The following SELENOT variants were observed in gnomAD, a reference collection of about 807,000 sequenced individuals.
SELENOT encodes thioredoxin reductase-like selenoprotein T.
Under a neutral mutation model 24.3 loss-of-function variants are expected in SELENOT, and 9 were observed. The observed-to-expected ratio is 0.37, with a 90% CI of 0.22 to 0.65. The LOEUF is 0.65. Ranked by LOEUF, SELENOT falls within the 30% of genes least tolerant of loss-of-function variation. SELENOT has a pLI of 0.60. For synonymous variants in SELENOT, 81 were observed against 86.0 expected, an observed-to-expected ratio of 0.94 and a Z score of 0.32; for missense variants, 166 against 247.6, an observed-to-expected ratio of 0.67 and a Z score of 2.21.
Position 150,622,417 on chromosome 3 carries a change from A to G in SELENOT, c.170A>G (p.Glu57Gly). The change falls in exon 2 of 6, where the codon GAG (glutamate) becomes GGG (glycine). Residue 57 changes from glutamate (E) to glycine (G), a missense_variant. By Grantham distance (98) the Glu-to-Gly change is moderately conservative (BLOSUM62 -2). Around this residue, in one of 5 missense-constraint regions of SELENOT, gnomAD observed 71 missense variants for 89.2 expected, o/e 0.80. Coordinates refer to ENST00000471696, the MANE Select transcript of SELENOT (RefSeq NM_016275.5). ...VSUGYRRVFE[E>G]YMRVISQRYP... is the part of the protein sequence containing the mutation. Reference sequence around the variant, plus strand: ...TGAGGTTATAGGCGGGTGTTTGAGGAGTACATGCGGGTTATTAGCCAGCGG... The same window carrying G: ...TGAGGTTATAGGCGGGTGTTTGAGGGGTACATGCGGGTTATTAGCCAGCGG... 6.7e-7 allele frequency: 1 copy of G among 1,482,590 alleles called. No homozygotes were observed. The allele number at this position is 1,482,590 out of a possible 1,614,324, so 91.8% of individuals were successfully genotyped here.
Position 150,629,894 on chromosome 3 carries a change from G to A in SELENOT, c.*2265G>A, listed in dbSNP as rs920399150. ...TTATTAGTTACTTGTAAATTACTGT[G>A]GCTGTGTAGTTTATAAATGTCTGTG... On this transcript the variant is annotated 3_prime_UTR_variant, in exon 6 of 6. Coordinates refer to ENST00000471696, the MANE Select transcript of SELENOT (RefSeq NM_016275.5). 1 of 152,550 alleles carries A rather than the reference G, an allele frequency of 6.6e-6. No homozygotes were observed. Among genetic ancestry groups the A allele is most frequent in the African/African-American group, 2.4e-5 (1 of 41,416 alleles). 9.4% of individuals were successfully genotyped at this position (152,550 alleles called of 1,614,324 possible).
intron 1 of SELENOT, among the ~76,000 whole-genome samples, chr3:150,614,916 C>G: frequency 6.7e-6 from 1 of 149,962 alleles, no homozygotes; most frequent in Non-Finnish European, 1.5e-5. Context: ...GCACATTGTG[C>G]AGGTTAGTTA....
At chr3:150,611,950 C>T (rs538100231) in intron 1 of SELENOT, 3 of 728,782 alleles carry the variant, frequency 4.1e-6, no homozygotes, top group Non-Finnish European at 6.6e-6. Context: ...CGGCAGTTCA[C>T]TCTGCACACC....
intron 1 of SELENOT, among the ~76,000 whole-genome samples, chr3:150,610,140 TCTCTATTGTC>T (rs2108006134): frequency 6.6e-6 from 1 of 152,328 alleles, no homozygotes; most frequent in African/African-American, 2.4e-5. Context: ...TTATGATTGG[TCTCTATTGTC>T]ACATTACAGT....
chr3:150,622,476 C>T lies in SELENOT; in HGVS notation c.229C>T (p.Leu77Phe). ...PDIRIEGENY[L>F]PQPIYRHIAS... ...CATCCGCATTGAAGGAGAGAATTAC[C>T]TCCCTCAACCAATATATAGGTAAGA... The change falls in exon 2 of 6, where the codon CTC (leucine) becomes TTC (phenylalanine). Residue 77 changes from leucine (L) to phenylalanine (F), a missense_variant. Physicochemically the swap from Leu to Phe is conservative, Grantham distance 22. Around this residue, in one of 5 missense-constraint regions of SELENOT, gnomAD observed 71 missense variants for 89.2 expected, o/e 0.80. Transcript: ENST00000471696. 1.3e-6 allele frequency: 2 copies of T among 1,483,902 alleles called. No individual in the cohort carries two copies. The highest frequency in any genetic ancestry group is 9.1e-7 in the Non-Finnish European group (1 of 1,102,638). 91.9% of individuals were successfully genotyped at this position (1,483,902 alleles called of 1,614,324 possible).
intron 1 of SELENOT, chr3:150,611,215 G>T (rs1364239191): frequency 1.1e-4 from 98 of 903,544 alleles, no homozygotes; most frequent in South Asian, 1.5e-5. Context: ...GTGAAAAAGC[G>T]GTAAACAGTG....
chr3:150,618,422 C>T (rs145051188), intron 1 of SELENOT, among the ~76,000 whole-genome samples: 15 of 152,152 alleles, frequency 9.9e-5, no homozygotes, highest in African/African-American at 2.9e-4. Flanking sequence ...AATGAGGATG[C>T]GAGAGATTGG....
In SELENOT at chr3:150,622,406, G is replaced by A; in HGVS notation, c.159G>A (p.Arg53=). Residue 53 remains arginine, a synonymous_variant, in exon 2 of 6, where the codon CGG becomes CGA. Coordinates refer to ENST00000471696, the MANE Select transcript of SELENOT (RefSeq NM_016275.5). The stretch of plus-strand genomic sequence containing the variant: ...GCAGTGTTTCCTGAGGTTATAGGCG[G>A]GTGTTTGAGGAGTACATGCGGGTTA... ...FQICVSUGYR[R]VFEEYMRVIS... is the part of the protein sequence containing the mutation. 1 of 1,468,588 alleles carries A rather than the reference G, an allele frequency of 6.8e-7. No homozygotes were observed. The highest frequency in any genetic ancestry group is 9.1e-7 in the Non-Finnish European group (1 of 1,097,142). 91.0% of individuals were successfully genotyped at this position (1,468,588 alleles called of 1,614,324 possible).
At chr3:150,612,380 A>G (rs1429181367) in intron 1 of SELENOT, among the ~76,000 whole-genome samples, 2 of 152,184 alleles carry the variant, frequency 1.3e-5, no homozygotes, top group Non-Finnish European at 2.9e-5. Context: ...GGTGTGAGCC[A>G]CCATGCCCGG....
At chr3:150,617,632 C>T (rs1335297367) in intron 1 of SELENOT, among the ~76,000 whole-genome samples, 3 of 152,112 alleles carry the variant, frequency 2.0e-5, no homozygotes, top group African/African-American at 7.2e-5. Context: ...CCACGTTAGG[C>T]TCATTTTGTG....
In SELENOT at chr3:150,624,176, C is replaced by T. The variant is rs559913207; in HGVS notation, c.376-636C>T. 1.8e-3 allele frequency among the ~76,000 whole-genome samples: 274 copies of T among 152,202 alleles called. 1 individual carries two copies. Among genetic ancestry groups the T allele is most frequent in the Non-Finnish European group, 3.2e-3 (218 of 67,962 alleles). ...GAGTAATTCCTATAAAAACAAACCC[C>T]ACCTAGCTCCTGTGGGGCAGTAGGG... is the stretch of plus-strand genomic sequence containing the variant. On this transcript the variant is annotated intron_variant, in intron 3 of 5. Coordinates refer to ENST00000471696, the MANE Select transcript of SELENOT (RefSeq NM_016275.5).
intron 4 of SELENOT, among the ~76,000 whole-genome samples, chr3:150,625,450 C>T (rs2108015144): frequency 6.6e-6 from 1 of 152,192 alleles, no homozygotes; most frequent in South Asian, 2.1e-4. Flanking sequence ...CCCTAGTCCC[C>T]CTATTTTATG....
At chr3:150,626,897 T>C (rs1726457216) in intron 4 of SELENOT, 113 bp from the exon 5 acceptor site, 20 of 1,035,696 alleles carry the variant, frequency 1.9e-5, no homozygotes, top group Non-Finnish European at 2.6e-5. Flanking sequence ...GTGTACTTTT[T>C]TGCCTACTTT....
At chr3:150,613,435 G>A (rs762333201) in intron 1 of SELENOT, among the ~76,000 whole-genome samples, 6 of 152,100 alleles carry the variant, frequency 3.9e-5, no homozygotes, top group Admixed American at 6.6e-5. Context: ...TATGTGGAAA[G>A]CATTGCCTAG....
chr3:150,620,144 A>C (rs1385329988), intron 1 of SELENOT, among the ~76,000 whole-genome samples: 1 of 152,214 alleles, frequency 6.6e-6, no homozygotes, highest in African/African-American at 2.4e-5. Context: ...AAAAGTGGGT[A>C]ACTATAGGGG....
intron 1 of SELENOT, chr3:150,611,749 C>G: frequency 7.0e-7 from 1 of 1,431,024 alleles, no homozygotes; most frequent in Non-Finnish European, 9.7e-7. Context: ...TGGCCGCCCC[C>G]AGGGGCCCAG....
chr3:150,614,202 G>T (rs750102726), intron 1 of SELENOT, among the ~76,000 whole-genome samples: 10 of 152,158 alleles, frequency 6.6e-5, no homozygotes, highest in African/African-American at 1.2e-4. Context: ...AAGTTAGCTG[G>T]CTATTCTGTT....
At chr3:150,616,788 A>G (rs1350065833) in intron 1 of SELENOT, among the ~76,000 whole-genome samples, 2 of 152,252 alleles carry the variant, frequency 1.3e-5, no homozygotes, top group Non-Finnish European at 2.9e-5. Flanking sequence ...CTACAGGTGC[A>G]TGCCACCATG....
chr3:150,603,932 G>C (rs1468317406), intron 1 of SELENOT, among the ~76,000 whole-genome samples: 3 of 152,234 alleles, frequency 2.0e-5, no homozygotes, highest in African/African-American at 7.2e-5. Flanking sequence ...GGGTAATGCC[G>C]GGCGGCTTCG....
Sources: gnomAD v4.1 joint callset for allele counts (sites outside exome capture counted in the v4.1 genomes callset) on GRCh38, gnomAD v4.1.1 for gene constraint, gnomAD v4.1.1 regional missense constraint, MANE v1.5 for transcripts, NCBI Gene and HGNC (gene_info 2026-07-23, HGNC 2026-07-21) for gene names.